The following MAPK4 variants were observed in gnomAD, a reference collection of about 807,000 sequenced individuals.
The protein encoded by MAPK4 is Erk3-related.
In MAPK4, 22 loss-of-function variants were observed where a neutral mutation model predicts 47.7. The observed-to-expected ratio is 0.46, with a 90% CI of 0.33 to 0.66. The LOEUF is 0.66. Among genes scored for constraint, MAPK4 ranks in the 30% least tolerant of loss-of-function variants. The pLI, the probability that MAPK4 is intolerant of heterozygous loss-of-function variation, is 0.02. For missense variants in MAPK4, 736 were observed against 831.7 expected, an observed-to-expected ratio of 0.88 and a Z score of 1.42; for synonymous variants, 390 against 365.7, an observed-to-expected ratio of 1.07 and a Z score of -0.76.
At chr18:50,578,402 G>A (rs758868771) in intron 1 of MAPK4, among the ~76,000 whole-genome samples, 3 of 152,198 alleles carry the variant, frequency 2.0e-5, no homozygotes, top group Non-Finnish European at 4.4e-5. Flanking sequence ...AATTCAGTAG[G>A]TATAGGATAG....
At chr18:50,689,044 A>T (rs1056408700) in intron 2 of MAPK4, among the ~76,000 whole-genome samples, 5 of 152,050 alleles carry the variant, frequency 3.3e-5, no homozygotes, top group Non-Finnish European at 7.4e-5. Context: ...GGATCACATG[A>T]AGTCAGGAGT....
At chr18:50,579,255 C>G (rs1221947522) in intron 1 of MAPK4, among the ~76,000 whole-genome samples, 2 of 152,136 alleles carry the variant, frequency 1.3e-5, no homozygotes, top group East Asian at 3.9e-4. Context: ...AGTGATAAGG[C>G]CGCAGGGTAC....
chr18:50,722,243 C>A, intron 4 of MAPK4, 144 bp downstream of exon 4: 2 of 915,448 alleles, frequency 2.2e-6, no homozygotes, highest in Non-Finnish European at 3.2e-6. Context: ...TGCCAGTGGG[C>A]CTTTGCCCTA....
intron 1 of MAPK4, among the ~76,000 whole-genome samples, chr18:50,588,990 T>G (rs2149366394): frequency 6.6e-6 from 1 of 152,314 alleles, no homozygotes; most frequent in East Asian, 1.9e-4. Context: ...TCAGACTTTT[T>G]TACTAGCGTG....
intron 1 of MAPK4, among the ~76,000 whole-genome samples, chr18:50,575,493 A>T (rs534509859): frequency 2.0e-3 from 307 of 152,218 alleles, no homozygotes; most frequent in Non-Finnish European, 3.2e-3. Context: ...CTTATTTTTT[A>T]TTTTTATTTT....
chr18:50,588,582 G>T (rs1335960553), intron 1 of MAPK4, among the ~76,000 whole-genome samples: 1 of 143,636 alleles, frequency 7.0e-6, no homozygotes, highest in East Asian at 2.1e-4. Flanking sequence ...TTTGAGAAAG[G>T]GTCCCACTCC....
intron 1 of MAPK4, among the ~76,000 whole-genome samples, chr18:50,619,323 A>C (rs921800293): frequency 1.3e-5 from 2 of 152,042 alleles, no homozygotes; most frequent in Non-Finnish European, 2.9e-5. Flanking sequence ...TCATTTATTT[A>C]TTTATTTATT....
At chr18:50,724,032 C>T (rs972207420) in intron 4 of MAPK4, among the ~76,000 whole-genome samples, 2 of 151,822 alleles carry the variant, frequency 1.3e-5, no homozygotes, top group African/African-American at 2.4e-5. Flanking sequence ...TTTTCTTTTG[C>T]GACAGGGTCT....
At position 50,603,142 on chromosome 18, in the gene MAPK4, G is replaced by A. The variant is rs73959981; in HGVS notation, c.-871+42899G>A. Among the ~76,000 whole-genome samples the A allele has an allele frequency of 6.7e-3, 1,016 of 152,164 alleles. 15 individuals are homozygous for A. The highest frequency in any genetic ancestry group is 0.023 in the African/African-American group (973 of 41,518). Reference sequence around the variant, plus strand: ...AAGAACCTGGCAAGCAGATGTGGCCGGTCAGCAGACAGGTCAGTCCCCCAT... The same window carrying A: ...AAGAACCTGGCAAGCAGATGTGGCCAGTCAGCAGACAGGTCAGTCCCCCAT... On this transcript the variant is annotated intron_variant, in intron 1 of 5. Transcript: ENST00000400384.
At chr18:50,643,201 A>C (rs1488592190) in intron 1 of MAPK4, among the ~76,000 whole-genome samples, 2 of 152,236 alleles carry the variant, frequency 1.3e-5, no homozygotes, top group African/African-American at 4.8e-5. Flanking sequence ...AGCAGCATTT[A>C]TATTATGAAT....
At chr18:50,691,202 A>G (rs932495553) in intron 2 of MAPK4, among the ~76,000 whole-genome samples, 1 of 152,160 alleles carries the variant, frequency 6.6e-6, no homozygotes, top group South Asian at 2.1e-4. Flanking sequence ...CATGTTGTCC[A>G]GGCTGGTCTC....
intron 1 of MAPK4, among the ~76,000 whole-genome samples, chr18:50,644,610 A>G (rs2042971024): frequency 6.6e-6 from 1 of 152,086 alleles, no homozygotes; most frequent in Non-Finnish European, 1.5e-5. Context: ...CATTCCCCGC[A>G]TCGCCAAAAT....
intron 4 of MAPK4, among the ~76,000 whole-genome samples, chr18:50,723,488 C>A (rs1568098816): frequency 6.6e-6 from 1 of 152,178 alleles, no homozygotes; most frequent in Non-Finnish European, 1.5e-5. Context: ...ACAGAGAGGA[C>A]ATGCTGCTTT....
rs140054262 is a variant in MAPK4, at chr18:50,725,889, C to T, written c.854-73C>T. The T allele has an allele frequency of 1.0e-5, 12 of 1,187,300 alleles. No homozygotes were observed. The East Asian group carries it at 1.6e-4, about 16-fold the overall frequency. The allele number at this position is 1,187,300 out of a possible 1,614,324, so 73.5% of individuals were successfully genotyped here. On this transcript the variant is annotated intron_variant, in intron 4 of 5. Coordinates refer to ENST00000400384, the MANE Select transcript of MAPK4 (RefSeq NM_002747.4). ...CACAGACACCAGCACAGAATGTCAC[C>T]GTGCTGAGGAATCTCCTTCTGAGCT...
At chr18:50,717,163 C>A (rs1267099175) in intron 3 of MAPK4, among the ~76,000 whole-genome samples, 1 of 152,202 alleles carries the variant, frequency 6.6e-6, no homozygotes, top group African/African-American at 2.4e-5. Context: ...ACACTCACTG[C>A]CCTTGTTGTC....
At chr18:50,601,371 G>A (rs9675485) in intron 1 of MAPK4, among the ~76,000 whole-genome samples, 2,262 of 147,498 alleles carry the variant, frequency 0.015, 65 homozygotes, top group African/African-American at 0.053. Flanking sequence ...TTAGGGTGCC[G>A]TTGATTGATC....
At chr18:50,602,105 A>G (rs758554056) in intron 1 of MAPK4, among the ~76,000 whole-genome samples, 1 of 152,228 alleles carries the variant, frequency 6.6e-6, no homozygotes, top group Non-Finnish European at 1.5e-5. Context: ...TTCTCAGAAT[A>G]TAGTTCCTAA....
chr18:50,675,749 C>G (rs912669177), intron 2 of MAPK4, among the ~76,000 whole-genome samples: 1 of 152,144 alleles, frequency 6.6e-6, no homozygotes, highest in Non-Finnish European at 1.5e-5. Context: ...CTCAGCCTCC[C>G]AAAGTGCTGG....
chr18:50,727,627 A>G (rs150941141), intron 5 of MAPK4, among the ~76,000 whole-genome samples: 35 of 152,166 alleles, frequency 2.3e-4, no homozygotes, highest in Admixed American at 5.2e-4. Context: ...GAGTCATCCT[A>G]TACTTTCTGC....
Sources: gnomAD v4.1 joint callset for allele counts (sites outside exome capture counted in the v4.1 genomes callset) on GRCh38, gnomAD v4.1.1 for gene constraint, MANE v1.5 for transcripts, NCBI Gene and HGNC (gene_info 2026-07-23, HGNC 2026-07-21) for gene names.